Variants in LYPD6 observed in about 807,000 individuals in gnomAD.
LYPD6 encodes the protein LY6/PLAUR domain containing 6, also known as ly6/PLAUR domain-containing protein 6.
A neutral mutation model predicts 22.7 loss-of-function variants in LYPD6; 15 were observed. The ratio of observed to expected loss-of-function variants is 0.66; its 90% confidence interval spans 0.44 to 1.02. The LOEUF (loss-of-function observed/expected upper bound fraction) is 1.02, where lower values mean the gene tolerates loss of function less well. Among genes scored for constraint, LYPD6 ranks in the 50% least tolerant of loss-of-function variants. The pLI, the probability that LYPD6 is intolerant of heterozygous loss-of-function variation, is 0.00. For missense variants in LYPD6, 189 were observed against 208.4 expected (o/e 0.91, Z 0.57); for synonymous variants, 72 against 77.5 (o/e 0.93, Z 0.37).
At chr2:149,357,998 C>T (rs190035049) in intron 1 of LYPD6, among the ~76,000 whole-genome samples, 165 of 152,226 alleles carry the variant, frequency 1.1e-3, no homozygotes, top group African/African-American at 3.6e-3. Context: ...GTTGTCCAGG[C>T]TGGTCTTGAT....
intron 1 of LYPD6, among the ~76,000 whole-genome samples, chr2:149,416,989 C>T (rs1682978397): frequency 6.6e-6 from 1 of 152,116 alleles, no homozygotes; most frequent in Admixed American, 6.5e-5. Flanking sequence ...TGTACAGGAT[C>T]TCGTGCCTAT....
chr2:149,398,705 T>C (rs985927095), intron 1 of LYPD6, among the ~76,000 whole-genome samples: 2 of 151,960 alleles, frequency 1.3e-5, no homozygotes, highest in Non-Finnish European at 2.9e-5. Flanking sequence ...TGAATTGAAC[T>C]CTGAGGGTGA....
At chr2:149,402,909 T>A (rs1000748262) in intron 1 of LYPD6, among the ~76,000 whole-genome samples, 1 of 124,654 alleles carries the variant, frequency 8.0e-6, no homozygotes, top group African/African-American at 3.0e-5. Context: ...GTCCCCAAAG[T>A]GTGATGTTCC....
At chr2:149,367,200 C>T (rs1014189138) in intron 1 of LYPD6, among the ~76,000 whole-genome samples, 2 of 152,170 alleles carry the variant, frequency 1.3e-5, no homozygotes, top group African/African-American at 4.8e-5. Context: ...TATTACAAGG[C>T]TGCAATCGGT....
At position 149,459,969 on chromosome 2, in the gene LYPD6, C is replaced by G. The variant is rs917322410; in HGVS notation, c.218-8676C>G. ...GGCATAAAAAGAGGTAAGTTTTGTA[C>G]ACTTCACTTTAATTGGTAAAATTAT... On this transcript the variant is annotated intron_variant, in intron 3 of 4. Transcript: ENST00000334166. Among the ~76,000 whole-genome samples, 38 of 150,858 alleles carry G rather than the reference C, an allele frequency of 2.5e-4. 1 individual carries two copies. The highest frequency in any genetic ancestry group is 2.5e-3 in the Admixed American group (38 of 15,132).
rs138398148 is a variant in LYPD6 at position 149,353,361 on chromosome 2, C to T, written c.-72+22639C>T. 3.9e-3 allele frequency among the ~76,000 whole-genome samples: 592 copies of T among 152,252 alleles called. 4 individuals are homozygous for T. Among genetic ancestry groups the T allele is most frequent in the African/African-American group, 0.013 (545 of 41,546 alleles). On this transcript the variant is annotated intron_variant, in intron 1 of 4. Coordinates refer to ENST00000334166, the MANE Select transcript of LYPD6 (RefSeq NM_194317.5). ...CACTGTATTTGTAGGAGATGCAACT[C>T]GGAGTGTTAAGGATAGGATGATGCA...
chr2:149,452,545 G>GT (rs370024115), intron 3 of LYPD6, among the ~76,000 whole-genome samples: 44 of 152,190 alleles, frequency 2.9e-4, no homozygotes, highest in African/African-American at 1.0e-3. Flanking sequence ...ACATTCCTGG[G>GT]TTTTTTTGGT....
rs1023398418 is a variant in LYPD6 at position 149,413,880 on chromosome 2, C to T, written c.-71-23758C>T. 2.6e-5 allele frequency among the ~76,000 whole-genome samples: 4 copies of T among 152,160 alleles called. 1 individual carries two copies. Among genetic ancestry groups the T allele is most frequent in the South Asian group, 4.1e-4 (2 of 4,826 alleles). On this transcript the variant is annotated intron_variant, in intron 1 of 4. Transcript: ENST00000334166. ...GTCTACTCTAATTCTGGGGTCCATC[C>T]GCATTCTGCACCATACAGCGTGATC...
At chr2:149,411,704 G>C (rs924722305) in intron 1 of LYPD6, among the ~76,000 whole-genome samples, 3 of 152,164 alleles carry the variant, frequency 2.0e-5, no homozygotes, top group African/African-American at 7.2e-5. Context: ...AGAATACCAT[G>C]TATGCCCTTG....
chr2:149,470,797 T>G lies in LYPD6; in HGVS notation c.463T>G (p.Cys155Gly). The change falls in exon 5 of 5, where the codon TGT becomes GGT. Residue 155 changes from cysteine (C) to glycine (G), a missense_variant. Cys to Gly is a radical substitution (Grantham distance 159). Coordinates refer to ENST00000334166, the MANE Select transcript of LYPD6 (RefSeq NM_194317.5). ...AAATCAGACAAATGGGCACCCACGCTGTATGTCAGTGATAGTGTCCTGCTT... is the reference window on the plus strand; with the variant it reads ...AAATCAGACAAATGGGCACCCACGCGGTATGTCAGTGATAGTGTCCTGCTT... Reference protein sequence around the residue: ...PINQTNGHPRCMSVIVSCLWL... With the variant: ...PINQTNGHPRGMSVIVSCLWL... 6.2e-7 allele frequency: 1 copy of G among 1,613,780 alleles called. No homozygotes were observed. Among genetic ancestry groups the G allele is most frequent in the Non-Finnish European group, 8.5e-7 (1 of 1,179,800 alleles).
At chr2:149,371,613 A>G (rs1445087473) in intron 1 of LYPD6, among the ~76,000 whole-genome samples, 1 of 152,188 alleles carries the variant, frequency 6.6e-6, no homozygotes, top group East Asian at 1.9e-4. Context: ...GAATTCTTTC[A>G]TGGTAATAGT....
chr2:149,478,136 C>G (rs1004763499), downstream of LYPD6, among the ~76,000 whole-genome samples: 1 of 152,080 alleles, frequency 6.6e-6, no homozygotes, highest in Non-Finnish European at 1.5e-5. Context: ...TTAGAGCACT[C>G]CAGACCAACT....
intron 2 of LYPD6, among the ~76,000 whole-genome samples, chr2:149,446,703 A>G (rs1683696832): frequency 6.6e-6 from 1 of 152,160 alleles, no homozygotes; most frequent in Non-Finnish European, 1.5e-5. Flanking sequence ...ACTATGTGAG[A>G]GAGAGCACGC....
chr2:149,335,959 C>CAGGT (rs2105044000), intron 1 of LYPD6, among the ~76,000 whole-genome samples: 1 of 150,946 alleles, frequency 6.6e-6, no homozygotes, highest in South Asian at 2.1e-4. Context: ...GTGACAAAAT[C>CAGGT]ACCTAAGATG....
At chr2:149,350,702 G>A (rs1035501628) in intron 1 of LYPD6, among the ~76,000 whole-genome samples, 3 of 152,204 alleles carry the variant, frequency 2.0e-5, no homozygotes, top group Non-Finnish European at 2.9e-5. Context: ...GTTGAGGAAC[G>A]AATTTTAAGT....
At chr2:149,440,957 G>A (rs1349541158) in intron 2 of LYPD6, among the ~76,000 whole-genome samples, 1 of 151,686 alleles carries the variant, frequency 6.6e-6, no homozygotes, top group Non-Finnish European at 1.5e-5. Flanking sequence ...TGCCCGCCTC[G>A]GCCTCCCAAA....
intron 1 of LYPD6, among the ~76,000 whole-genome samples, chr2:149,403,019 T>C (rs958775312): frequency 2.0e-5 from 3 of 152,156 alleles, no homozygotes; most frequent in Admixed American, 1.3e-4. Context: ...CTGAGAATGA[T>C]GATTTCCAAT....
intron 1 of LYPD6, among the ~76,000 whole-genome samples, chr2:149,400,702 T>G (rs1010352333): frequency 2.6e-5 from 4 of 152,216 alleles, no homozygotes; most frequent in Admixed American, 2.0e-4. Context: ...TTAATTTATG[T>G]TTTGATAAGA....
intron 1 of LYPD6, among the ~76,000 whole-genome samples, chr2:149,382,256 G>A (rs138426334): frequency 6.6e-6 from 1 of 152,090 alleles, no homozygotes; most frequent in Admixed American, 6.6e-5. Flanking sequence ...TCATAAATAA[G>A]GTTGAGGAAT....
Sources: gnomAD v4.1 joint callset for allele counts (sites outside exome capture counted in the v4.1 genomes callset) on GRCh38, gnomAD v4.1.1 for gene constraint, MANE v1.5 for transcripts, NCBI Gene and HGNC (gene_info 2026-07-23, HGNC 2026-07-21) for gene names.